The following OR3A2 variants were observed in gnomAD, a reference collection of about 807,000 sequenced individuals.
OR3A2 encodes olfactory receptor family 3 subfamily A member 2, also known as olfactory receptor 3A2.
For synonymous variants in OR3A2, 126 were observed against 159.3 expected (o/e 0.79, Z 1.57); for missense variants, 318 against 392.8 (o/e 0.81, Z 1.61).
chr17:3,323,468 T>C (rs1432172665), intron 3 of OR3A2, among the ~76,000 whole-genome samples: 1 of 152,112 alleles, frequency 6.6e-6, no homozygotes, highest in East Asian at 1.9e-4. Flanking sequence ...GTCTTTATAA[T>C]TTGGCACGTT....
intron 3 of OR3A2, among the ~76,000 whole-genome samples, chr17:3,330,143 A>C (rs1238772809): frequency 1.3e-5 from 2 of 149,416 alleles, no homozygotes; most frequent in African/African-American, 5.0e-5. Context: ...TATGTGGTCA[A>C]TTTTGGAATA....
intron 3 of OR3A2, chr17:3,310,579 C>G (rs919023337): frequency 1.9e-6 from 1 of 537,208 alleles, no homozygotes; most frequent in African/African-American, 1.9e-5. Flanking sequence ...CATTTCATAT[C>G]CAACGACAGA....
At chr17:3,349,921 C>G (rs1379228632) in intron 2 of OR3A2, among the ~76,000 whole-genome samples, 1 of 151,906 alleles carries the variant, frequency 6.6e-6, no homozygotes, top group Non-Finnish European at 1.5e-5. Flanking sequence ...ACAACCTGCT[C>G]CTGAATGACT....
chr17:3,333,196 C>T (rs1227888062), intron 3 of OR3A2, among the ~76,000 whole-genome samples: 4 of 152,174 alleles, frequency 2.6e-5, no homozygotes. Context: ...CTGTCTTATG[C>T]AGTTGAGATA....
intron 3 of OR3A2, among the ~76,000 whole-genome samples, chr17:3,333,052 A>T (rs2049251982): frequency 6.6e-6 from 1 of 152,176 alleles, no homozygotes; most frequent in South Asian, 2.1e-4. Flanking sequence ...TCTTGCAGAG[A>T]GCCTATAAAT....
At chr17:3,325,982 C>T (rs1283006195) in intron 3 of OR3A2, among the ~76,000 whole-genome samples, 3 of 151,932 alleles carry the variant, frequency 2.0e-5, no homozygotes, top group East Asian at 1.9e-4. Flanking sequence ...GTTGTTTCCC[C>T]GAATGTGTCC....
intron 2 of OR3A2, among the ~76,000 whole-genome samples, chr17:3,340,480 T>C (rs1374714891): frequency 3.3e-5 from 5 of 152,210 alleles, no homozygotes; most frequent in East Asian, 1.9e-4. Context: ...TTTGTTCTCA[T>C]TGGTTTCAAA....
intron 3 of OR3A2, among the ~76,000 whole-genome samples, chr17:3,332,595 C>A (rs1311654296): frequency 1.3e-5 from 2 of 152,200 alleles, no homozygotes; most frequent in East Asian, 3.8e-4. Context: ...CCTGCGCCCA[C>A]TGTCTGGCAC....
intron 2 of OR3A2, among the ~76,000 whole-genome samples, chr17:3,365,101 A>T (rs1162737350): frequency 1.3e-5 from 2 of 152,178 alleles, no homozygotes; most frequent in African/African-American, 4.8e-5. Flanking sequence ...AACAAACTCC[A>T]AATGGTGTCA....
At chr17:3,324,920 T>A (rs1198250385) in intron 3 of OR3A2, among the ~76,000 whole-genome samples, 1 of 152,094 alleles carries the variant, frequency 6.6e-6, no homozygotes, top group African/African-American at 2.4e-5. Flanking sequence ...TTTTCCTTAT[T>A]AAATCTGTCC....
At position 3,328,892 on chromosome 17, in the gene OR3A2, C is replaced by A. The variant is rs140695309; in HGVS notation, c.-85+7141G>T. Among the ~76,000 whole-genome samples, 315 of 146,160 alleles carry A rather than the reference C, an allele frequency of 2.2e-3. 7 individuals are homozygous for A. Among genetic ancestry groups the A allele is most frequent in the African/African-American group, 8.1e-3 (296 of 36,624 alleles). On this transcript the variant is annotated intron_variant, in intron 3 of 4. Coordinates refer to the OR3A2 transcript ENST00000573491. Reference sequence around the variant, plus strand: ...TTTGCGAAAATACGTCCCATCAATACCTAATTTATTGAGAGTTTTTAGCAT... The same window carrying A: ...TTTGCGAAAATACGTCCCATCAATAACTAATTTATTGAGAGTTTTTAGCAT...
rs532340837 is a variant in OR3A2, at chr17:3,372,693, G to A, written c.-179+11111C>T. On this transcript the variant is annotated intron_variant, in intron 2 of 4. Transcript: ENST00000573491. ...ACGAAAACCAGTCAGGCGTGGCGGC[G>A]CGCGCCTGCAATCGCAGGCACTCGG... Among the ~76,000 whole-genome samples, 25 of 151,942 alleles carry A rather than the reference G, an allele frequency of 1.6e-4. No homozygotes were observed. The South Asian group carries it at 2.9e-3, about 18-fold the overall frequency.
At chr17:3,383,252 A>T (rs1567574621) in intron 2 of OR3A2, among the ~76,000 whole-genome samples, 1 of 152,202 alleles carries the variant, frequency 6.6e-6, no homozygotes, top group Non-Finnish European at 1.5e-5. Context: ...ACTTCAGCTG[A>T]GATTAAGAAA....
At chr17:3,353,703 G>A (rs2049439768) in intron 2 of OR3A2, among the ~76,000 whole-genome samples, 2 of 151,758 alleles carry the variant, frequency 1.3e-5, no homozygotes, top group Admixed American at 1.3e-4. Context: ...GTACATGATA[G>A]GTATATATTT....
Position 3,293,616 on chromosome 17 carries a change from A to G in OR3A2, c.-84-14463T>C, listed in dbSNP as rs531594313. On this transcript the variant is annotated intron_variant, in intron 3 of 4. Transcript: ENST00000573491. The stretch of plus-strand genomic sequence containing the variant: ...AGAAAAAAGAGGTAAATAAACAAGA[A>G]AGACAAATGGATGACAAAATTCACT... Among the ~76,000 whole-genome samples the G allele has an allele frequency of 7.2e-5, 11 of 152,304 alleles. No individual in the cohort carries two copies. In the South Asian group the frequency reaches 2.3e-3, roughly 32 times the overall value.
At chr17:3,322,889 C>T (rs560224455) in intron 3 of OR3A2, among the ~76,000 whole-genome samples, 7 of 151,916 alleles carry the variant, frequency 4.6e-5, no homozygotes, top group Admixed American at 6.6e-5. Context: ...CTATTAGGTC[C>T]GTTTGGTGCA....
rs200579904 is a variant in OR3A2, at chr17:3,366,554, CA to C, written c.-179+17249del. Among the ~76,000 whole-genome samples the C allele has an allele frequency of 8.9e-3, 1,353 of 152,260 alleles. 20 individuals are homozygous for C. Among genetic ancestry groups the C allele is most frequent in the African/African-American group, 0.031 (1,290 of 41,548 alleles). ...TGTGAAAAGCTTCACTGGGCAACAG[CA>C]ACAGAAAAAACAGAAGTATGATTAA... On this transcript the variant is annotated intron_variant, in intron 2 of 4. Transcript: ENST00000573491.
chr17:3,345,908 G>C (rs1374283045), intron 2 of OR3A2, among the ~76,000 whole-genome samples: 1 of 152,098 alleles, frequency 6.6e-6, no homozygotes, highest in African/African-American at 2.4e-5. Flanking sequence ...AGATCACTAA[G>C]ATCTGACAGA....
Position 3,347,056 on chromosome 17 carries a change from G to T in OR3A2, c.-178-10930C>A, listed in dbSNP as rs1022408122. Among the ~76,000 whole-genome samples, 20 of 152,076 alleles carry T rather than the reference G, an allele frequency of 1.3e-4. 1 individual carries two copies. The highest frequency in any genetic ancestry group is 2.4e-4 in the Non-Finnish European group (16 of 68,016). ...TTTCTTTCATTTTGATATATACGTA[G>T]CAGCGAGACTGCTGGATCATAGGAT... On this transcript the variant is annotated intron_variant, in intron 2 of 4. Transcript: ENST00000573491.
Sources: allele counts gnomAD v4.1 joint callset (sites outside exome capture counted in the v4.1 genomes callset), GRCh38; gene constraint gnomAD v4.1.1; transcripts MANE v1.5; gene names NCBI Gene and HGNC (gene_info 2026-07-23, HGNC 2026-07-21).